The following PGR variants were observed in gnomAD, a reference collection of about 807,000 sequenced individuals.
The protein encoded by PGR is progesterone receptor.
Under a neutral mutation model 76.1 loss-of-function variants are expected in PGR, and 25 were observed. The ratio of observed to expected loss-of-function variants is 0.33; its 90% CI spans 0.24 to 0.46. The LOEUF (loss-of-function observed/expected upper bound fraction) is 0.46, where lower values mean the gene tolerates loss of function less well. Among genes scored for constraint, PGR ranks in the 20% least tolerant of loss-of-function variants. The pLI is 1.00. For missense variants in PGR, 1,172 were observed against 1,225.3 expected, an observed-to-expected ratio of 0.96 and a Z score of 0.65; for synonymous variants, 579 against 535.0, an observed-to-expected ratio of 1.08 and a Z score of -1.14.
intron 3 of PGR, among the ~76,000 whole-genome samples, chr11:101,071,166 T>A (rs781421735): frequency 6.4e-4 from 97 of 152,136 alleles, no homozygotes; most frequent in Non-Finnish European, 1.3e-3. Context: ...AGTCCGCTAG[T>A]GATACCCAGG....
chr11:101,043,129 A>G (rs562764), intron 6 of PGR, among the ~76,000 whole-genome samples: 19,377 of 152,096 alleles, frequency 0.13, 1,622 homozygotes, highest in African/African-American at 0.23. Flanking sequence ...TTTACCCACA[A>G]TAGAACTTCT....
At chr11:101,060,396 A>G (rs1860449433) in intron 4 of PGR, among the ~76,000 whole-genome samples, 1 of 152,204 alleles carries the variant, frequency 6.6e-6, no homozygotes, top group Admixed American at 6.5e-5. Flanking sequence ...CCACACCATG[A>G]GCCCAGCCTT....
rs55925008 is a variant in PGR at position 101,052,269 on chromosome 11, CTGTGTGTGTGTGTGTGTG to C, written c.2213-719_2213-702del. Among the ~76,000 whole-genome samples the C allele has an allele frequency of 9.1e-3, 1,287 of 141,928 alleles. 22 individuals carry two copies. The highest frequency in any genetic ancestry group is 0.032 in the African/African-American group (1,183 of 37,164). 93.1% of individuals were successfully genotyped at this position (141,928 alleles called of 152,430 possible). A position where few individuals can be genotyped will look rare whatever the true frequency, so the allele number is the denominator to read the frequency against. ...CCGTGTGGCTTAAGAGATTTAGAAT[CTGTGTGTGTGTGTGTGTG>C]TGTGTGTGTGTGTGTGTGTGTGTGT... On this transcript the variant is annotated intron_variant, in intron 4 of 7. Coordinates refer to ENST00000325455, the MANE Select transcript of PGR (RefSeq NM_000926.4).
At chr11:101,058,103 GA>G (rs1464554264) in intron 4 of PGR, among the ~76,000 whole-genome samples, 3 of 152,090 alleles carry the variant, frequency 2.0e-5, no homozygotes, top group Admixed American at 6.6e-5. Flanking sequence ...ACCTGGAAGG[GA>G]AGTGACAAAT....
rs1045477720 is a variant in PGR at position 101,038,059 on chromosome 11, G to C, written c.*1057C>G. ...AAACATGCATGGAATTTGTGTCAAA[G>C]GGGGAAAATTCTGGAAGAAATTTCA... On this transcript the variant is annotated 3_prime_UTR_variant, in exon 8 of 8. Transcript: ENST00000325455. The C allele has an allele frequency of 4.9e-6, 1 of 203,774 alleles. No homozygotes were observed. The highest frequency in any genetic ancestry group is 1.0e-5 in the Non-Finnish European group (1 of 99,424). The allele number at this position is 203,774 out of a possible 1,614,324, so 12.6% of individuals were successfully genotyped here. A position where few individuals can be genotyped will look rare whatever the true frequency, so the allele number is the denominator to read the frequency against.
Position 101,038,874 on chromosome 11 carries a change from A to G in PGR, c.*242T>C. 4.7e-6 allele frequency: 2 copies of G among 421,098 alleles called. No homozygotes were observed. The highest frequency in any genetic ancestry group is 3.2e-5 in the South Asian group (1 of 31,640). The allele number at this position is 421,098 out of a possible 1,614,324, so 26.1% of individuals were successfully genotyped here. A position where few individuals can be genotyped will look rare whatever the true frequency, so the allele number is the denominator to read the frequency against. On this transcript the variant is annotated 3_prime_UTR_variant, in exon 8 of 8. Coordinates refer to ENST00000325455, the MANE Select transcript of PGR (RefSeq NM_000926.4). Reference sequence around the variant, plus strand: ...GATAGTTTACTTTAACAATTTTAGTACTTTTTCAATCTTGTAAATTCTTCA... The same window carrying G: ...GATAGTTTACTTTAACAATTTTAGTGCTTTTTCAATCTTGTAAATTCTTCA...
chr11:101,122,181 T>C (rs997188203), intron 2 of PGR, among the ~76,000 whole-genome samples: 2 of 998 alleles, frequency 2.0e-3, no homozygotes, highest in East Asian at 0.034. Flanking sequence ...GTGAGCATAA[T>C]ATGCAATACA....
intron 4 of PGR, among the ~76,000 whole-genome samples, chr11:101,053,727 CCT>C (rs1012343336): frequency 2.3e-4 from 34 of 150,282 alleles, no homozygotes; most frequent in Non-Finnish European, 8.9e-5. Context: ...TTCTTCCTTC[CCT>C]CTCTTTCTTC....
intron 6 of PGR, among the ~76,000 whole-genome samples, chr11:101,042,541 A>G (rs1859726209): frequency 1.3e-5 from 2 of 152,010 alleles, no homozygotes; most frequent in South Asian, 4.1e-4. Context: ...TATAAATCTC[A>G]AGTATTTGCC....
At position 101,062,640 on chromosome 11, in the gene PGR, G is replaced by T; in HGVS notation, c.2019C>A (p.Phe673Leu). The change falls in exon 4 of 8, where the codon TTC (phenylalanine) becomes TTA (leucine). Residue 673 changes from phenylalanine (F) to leucine (L), a missense_variant. By Grantham distance (22) the Phe-to-Leu change is conservative. Around this residue, in one of 4 missense-constraint regions of PGR, gnomAD observed 73 missense variants for 60.7 expected, o/e 1.20. Transcript: ENST00000325455. ...GTATGTCTTGACCTGGTGAAAAAGTGAATCTCTGGCTTAGGGCTTGGCTTT... is the reference window on the plus strand; with the variant it reads ...GTATGTCTTGACCTGGTGAAAAAGTTAATCTCTGGCTTAGGGCTTGGCTTT... ...PNESQALSQR[F>L]TFSPGQDIQL... is the part of the protein sequence containing the mutation. The T allele has an allele frequency of 6.2e-7, 1 of 1,614,032 alleles. No individual in the cohort carries two copies.
In PGR at chr11:101,091,876, C is replaced by A; in HGVS notation, c.1790G>T (p.Gly597Val). ...CKVFFKRAME[G>V]QHNYLCAGRN... ...TCCAGCACATAAGTAGTTGTGCTGC[C>A]CTAAAAAAACAAAATGAGTCAAAAT... Residue 597 changes from glycine (G) to valine (V), a missense_variant and splice_region_variant, in exon 3 of 8, where the codon GGG becomes GTG. Physicochemically the swap from Gly to Val is moderately radical, Grantham distance 109. Around this residue, in one of 4 missense-constraint regions of PGR, gnomAD observed 40 missense variants for 82.7 expected, o/e 0.48. Coordinates refer to ENST00000325455, the MANE Select transcript of PGR (RefSeq NM_000926.4). The A allele has an allele frequency of 6.6e-7, 1 of 1,526,644 alleles. No homozygotes were observed. Among genetic ancestry groups the A allele is most frequent in the Non-Finnish European group, 9.1e-7 (1 of 1,101,074 alleles). The allele number at this position is 1,526,644 out of a possible 1,614,324, so 94.6% of individuals were successfully genotyped here. A position where few individuals can be genotyped will look rare whatever the true frequency, so the allele number is the denominator to read the frequency against.
Position 101,029,998 on chromosome 11 carries a change from C to T in PGR, c.*9118G>A, listed in dbSNP as rs1859300069. ...GTTTCACCTTCTTGGCAAAAACCTT[C>T]AGAACAATTGTCAACATACTCTCAA... On this transcript the variant is annotated 3_prime_UTR_variant, in exon 8 of 8. Coordinates refer to ENST00000325455, the MANE Select transcript of PGR (RefSeq NM_000926.4). 4.5e-6 allele frequency: 1 copy of T among 223,430 alleles called. No individual in the cohort carries two copies. Among genetic ancestry groups the T allele is most frequent in the Admixed American group, 5.7e-5 (1 of 17,426 alleles). The allele number at this position is 223,430 out of a possible 1,614,324, so 13.8% of individuals were successfully genotyped here.
In PGR at chr11:101,033,371, A is replaced by C. The variant is rs1859409696; in HGVS notation, c.*5745T>G. 5.1e-6 allele frequency: 1 copy of C among 197,010 alleles called. No individual in the cohort carries two copies. The highest frequency in any genetic ancestry group is 1.1e-5 in the Non-Finnish European group (1 of 94,984). The allele number at this position is 197,010 out of a possible 1,614,324, so 12.2% of individuals were successfully genotyped here. On this transcript the variant is annotated 3_prime_UTR_variant, in exon 8 of 8. Transcript: ENST00000325455. ...CATACCTTTTTTGGTTATTCTCATG[A>C]ATTTTAAAGCCCTTAGAAAAAGATA...
chr11:101,127,628 C>T lies in PGR; in HGVS notation c.1443G>A (p.Lys481=), dbSNP rs2135513602. ...GCAGGCAGCCGCTCGCGCCCGGCGC[C>T]TTGCAGGGCGGCGGCGCGAACGGGC... ...QQGPFAPPPC[K]APGASGCLLP... is the part of the protein sequence containing the mutation. The change falls in exon 1 of 8, where the codon AAG becomes AAA. Residue 481 remains lysine, a synonymous_variant. Transcript: ENST00000325455. The T allele has an allele frequency of 1.5e-6, 2 of 1,339,936 alleles. No individual in the cohort carries two copies. Among genetic ancestry groups the T allele is most frequent in the East Asian group, 3.1e-5 (1 of 32,534 alleles). The allele number at this position is 1,339,936 out of a possible 1,614,324, so 83.0% of individuals were successfully genotyped here.
intron 3 of PGR, among the ~76,000 whole-genome samples, chr11:101,068,846 A>C (rs1462262453): frequency 6.6e-6 from 1 of 152,214 alleles, no homozygotes. Flanking sequence ...CCCCTTCCCT[A>C]CACCTAATAC....
In PGR at chr11:101,032,087, G is replaced by T. The variant is rs555458181; in HGVS notation, c.*7029C>A. Reference sequence around the variant, plus strand: ...TTTTTGGTTTCCTGATGAAAAATTTGTAATTTCAACACATAAGCAAAATAA... The same window carrying T: ...TTTTTGGTTTCCTGATGAAAAATTTTTAATTTCAACACATAAGCAAAATAA... On this transcript the variant is annotated 3_prime_UTR_variant, in exon 8 of 8. Transcript: ENST00000325455. 231 of 232,728 alleles carry T rather than the reference G, an allele frequency of 9.9e-4. No individual in the cohort carries two copies. The highest frequency in any genetic ancestry group is 2.5e-3 in the Admixed American group (44 of 17,774). 14.4% of individuals were successfully genotyped at this position (232,728 alleles called of 1,614,324 possible). A position where few individuals can be genotyped will look rare whatever the true frequency, so the allele number is the denominator to read the frequency against.
chr11:101,070,612 G>C (rs367590713), intron 3 of PGR, among the ~76,000 whole-genome samples: 1 of 152,198 alleles, frequency 6.6e-6, no homozygotes, highest in African/African-American at 2.4e-5. Context: ...GTGTGAAGTC[G>C]ACCTGGGACG....
chr11:101,045,552 G>A (rs1859842903), intron 6 of PGR, among the ~76,000 whole-genome samples: 1 of 152,056 alleles, frequency 6.6e-6, no homozygotes, highest in Non-Finnish European at 1.5e-5. Context: ...AGAACATGTG[G>A]TATCTGACTT....
chr11:101,116,583 T>TA (rs1389553279), intron 2 of PGR, among the ~76,000 whole-genome samples: 9 of 151,486 alleles, frequency 5.9e-5, no homozygotes, highest in East Asian at 1.9e-4. Flanking sequence ...CTACTAAAAA[T>TA]AAAAAAATTA....
Sources: allele counts gnomAD v4.1 joint callset (sites outside exome capture counted in the v4.1 genomes callset), GRCh38; gene constraint gnomAD v4.1.1; regional missense constraint gnomAD v4.1.1; transcripts MANE v1.5; gene names NCBI Gene and HGNC (gene_info 2026-07-23, HGNC 2026-07-21).